Variants in LMAN1 observed in about 807,000 individuals in gnomAD.
LMAN1 encodes the protein protein ERGIC-53.
LMAN1 carries 32 observed loss-of-function variants against 67.8 expected under a neutral mutation model. That is an observed-to-expected ratio of 0.47 (90% CI 0.36 to 0.63). The LOEUF (loss-of-function observed/expected upper bound fraction) is 0.63, where lower values mean the gene tolerates loss of function less well. LMAN1 is among the 30% of genes least tolerant of loss of function. The pLI, the probability that LMAN1 is intolerant of heterozygous loss-of-function variation, is 0.00. For synonymous variants in LMAN1, 235 were observed against 219.3 expected (o/e 1.07, Z -0.63); for missense variants, 632 against 628.2 (o/e 1.01, Z -0.06).
Position 59,354,526 on chromosome 18 carries a change from G to A in LMAN1, c.532C>T (p.His178Tyr). The A allele has an allele frequency of 1.3e-6, 2 of 1,501,134 alleles. No homozygotes were observed. The highest frequency in any genetic ancestry group is 1.9e-6 in the Non-Finnish European group (2 of 1,077,894). The allele number at this position is 1,501,134 out of a possible 1,614,324, so 93.0% of individuals were successfully genotyped here. ...IGNNGQIHYDHQNDGASQALA... is the reference protein window; with the variant it reads ...IGNNGQIHYDYQNDGASQALA... Reference sequence around the variant, plus strand: ...TAAAAAACACACACTTACTTTTGATGGTCATAATGGATTTGTCCATTGTTG... The same window carrying A: ...TAAAAAACACACACTTACTTTTGATAGTCATAATGGATTTGTCCATTGTTG... The change falls in exon 4 of 13, where the codon CAT becomes TAT. Residue 178 changes from histidine to tyrosine, a missense_variant. By Grantham distance (83) the His-to-Tyr change is moderately conservative. Coordinates refer to ENST00000251047, the MANE Select transcript of LMAN1 (RefSeq NM_005570.4).
At position 59,338,890 on chromosome 18, in the gene LMAN1, C is replaced by T. The variant is rs374990586; in HGVS notation, c.1019G>A (p.Arg340His). 91 of 1,613,570 alleles carry T rather than the reference C, an allele frequency of 5.6e-5. No homozygotes were observed. Among genetic ancestry groups the T allele is most frequent in the Middle Eastern group, 3.3e-4 (2 of 6,062 alleles). The change falls in exon 9 of 13, where the codon CGT (arginine) becomes CAT (histidine). Residue 340 changes from arginine (R) to histidine (H), a missense_variant. Coordinates refer to ENST00000251047, the MANE Select transcript of LMAN1 (RefSeq NM_005570.4). Reference sequence around the variant, plus strand: ...CAGCTGCTTGATTTCAAGATGAATACGATTCTGTCCTTCAAAGACTTGTCT... The same window carrying T: ...CAGCTGCTTGATTTCAAGATGAATATGATTCTGTCCTTCAAAGACTTGTCT... The part of the protein sequence containing the change: ...ELRQVFEGQN[R>H]IHLEIKQLNR...
chr18:59,335,176 G>A (rs1247764471), intron 10 of LMAN1, among the ~76,000 whole-genome samples: 1 of 152,188 alleles, frequency 6.6e-6, no homozygotes, highest in Non-Finnish European at 1.5e-5. Context: ...GCTAACACCT[G>A]TAATCCCAGC....
chr18:59,351,501 C>T (rs903719328), intron 5 of LMAN1: 3 of 152,122 alleles, frequency 2.0e-5, no homozygotes, highest in African/African-American at 7.2e-5. Context: ...AAAACACTAG[C>T]TCCATGATCA....
intron 8 of LMAN1, among the ~76,000 whole-genome samples, chr18:59,343,812 A>G (rs1908340026): frequency 6.6e-6 from 1 of 152,146 alleles, no homozygotes. Context: ...GACTTAAACT[A>G]AAAAGCTTCT....
intron 5 of LMAN1, chr18:59,352,972 C>T (rs1908578074): frequency 2.1e-6 from 1 of 481,640 alleles, no homozygotes; most frequent in African/African-American, 2.0e-5. Context: ...ATGTGCTATA[C>T]AGTAGGGGGC....
In LMAN1 at chr18:59,359,179, C is replaced by G; in HGVS notation, c.66G>C (p.Leu22=). Residue 22 remains leucine, a synonymous_variant, in exon 1 of 13, where the codon CTG becomes CTC. Coordinates refer to ENST00000251047, the MANE Select transcript of LMAN1 (RefSeq NM_005570.4). ...RVRPLFCALL[L]SLGRFVRGDG... is the part of the protein sequence containing the mutation. ...CGCCCCGGACGAAGCGACCGAGTGA[C>G]AGCAGCAAGGCGCAGAACAGCGGCC... The G allele has an allele frequency of 1.2e-6, 2 of 1,614,096 alleles. No individual in the cohort carries two copies. Among genetic ancestry groups the G allele is most frequent in the Non-Finnish European group, 8.5e-7 (1 of 1,179,978 alleles).
At chr18:59,354,665 A>G (rs1728712701) in intron 3 of LMAN1, 85 bp from the exon 4 acceptor site, 2 of 692,794 alleles carry the variant, frequency 2.9e-6, no homozygotes, top group Non-Finnish European at 5.0e-6. Flanking sequence ...TGACTTACAT[A>G]TCTAAGATTC....
chr18:59,333,251 C>G lies in LMAN1; in HGVS notation c.1221-7G>C. On this transcript the variant is annotated splice_polypyrimidine_tract_variant and splice_region_variant and intron_variant, in intron 10 of 12. Transcript: ENST00000251047. ...GGTTTCACTCATGGAATTTCTGAAACAGAAAGTCTCTTGATACAATAAAAT... is the reference window on the plus strand; with the variant it reads ...GGTTTCACTCATGGAATTTCTGAAAGAGAAAGTCTCTTGATACAATAAAAT... The G allele has an allele frequency of 6.2e-7, 1 of 1,611,176 alleles. No homozygotes were observed. Among genetic ancestry groups the G allele is most frequent in the Non-Finnish European group, 8.5e-7 (1 of 1,178,422 alleles).
intron 11 of LMAN1, among the ~76,000 whole-genome samples, chr18:59,332,750 T>G (rs973167275): frequency 6.6e-6 from 1 of 152,072 alleles, no homozygotes; most frequent in Non-Finnish European, 1.5e-5. Flanking sequence ...AGCAAGAAAT[T>G]ACCAGATTAG....
Position 59,338,507 on chromosome 18 carries a change from T to A in LMAN1, c.1220+50A>T, listed in dbSNP as rs35746038. The A allele has an allele frequency of 0.07, 103,884 of 1,476,886 alleles. 4,056 individuals carry two copies. The highest frequency in any genetic ancestry group is 0.12 in the Middle Eastern group (665 of 5,458). The allele number at this position is 1,476,886 out of a possible 1,614,324, so 91.5% of individuals were successfully genotyped here. On this transcript the variant is annotated intron_variant, in intron 10 of 12. Transcript: ENST00000251047. Reference sequence around the variant, plus strand: ...GCTTGCACACCTGAAGTCACAAATTTAGGATAAAAAAAATCACATAACACA... The same window carrying A: ...GCTTGCACACCTGAAGTCACAAATTAAGGATAAAAAAAATCACATAACACA...
intron 10 of LMAN1, among the ~76,000 whole-genome samples, chr18:59,337,606 T>C (rs1908188242): frequency 6.6e-6 from 1 of 152,204 alleles, no homozygotes; most frequent in South Asian, 2.1e-4. Context: ...TTAAAAAGGT[T>C]GCGTTACATG....
chr18:59,346,873 G>A (rs551021783), intron 7 of LMAN1, among the ~76,000 whole-genome samples: 2 of 151,976 alleles, frequency 1.3e-5, no homozygotes, highest in Non-Finnish European at 2.9e-5. Context: ...TGCTATACGT[G>A]CACTGTCTCA....
chr18:59,338,650 G>A, intron 9 of LMAN1, 23 bp from the exon 10 acceptor site: 1 of 1,610,598 alleles, frequency 6.2e-7, no homozygotes, highest in Non-Finnish European at 8.5e-7. Flanking sequence ...ACAATGACGA[G>A]CAAGCTGAAT....
At chr18:59,356,187 G>A (rs1908657551) in intron 1 of LMAN1, among the ~76,000 whole-genome samples, 1 of 152,136 alleles carries the variant, frequency 6.6e-6, no homozygotes, top group Non-Finnish European at 1.5e-5. Context: ...CACCCTAAAA[G>A]TTATATGCAA....
chr18:59,337,395 T>C (rs1208886874), intron 10 of LMAN1, among the ~76,000 whole-genome samples: 2 of 152,034 alleles, frequency 1.3e-5, no homozygotes, highest in Non-Finnish European at 2.9e-5. Context: ...TGGAATAGAA[T>C]AGGCCTTGGT....
In LMAN1 at chr18:59,346,250, G is replaced by A. The variant is rs41483048; in HGVS notation, c.823-199C>T. ...TTTTTTTTTTTTAGAGACAAGAGTC[G>A]CGCTCTGTCACCCAGGCTGGAGTGC... On this transcript the variant is annotated intron_variant, in intron 7 of 12. Transcript: ENST00000251047. 0.093 allele frequency among the ~76,000 whole-genome samples: 10,916 copies of A among 117,038 alleles called. 528 individuals carry two copies. The highest frequency in any genetic ancestry group is 0.19 in the Middle Eastern group (35 of 186). 76.8% of individuals were successfully genotyped at this position (117,038 alleles called of 152,430 possible). A position where few individuals can be genotyped will look rare whatever the true frequency, so the allele number is the denominator to read the frequency against.
intron 3 of LMAN1, among the ~76,000 whole-genome samples, chr18:59,354,821 A>T (rs905775681): frequency 5.3e-5 from 8 of 152,230 alleles, no homozygotes; most frequent in African/African-American, 1.9e-4. Flanking sequence ...TTAAGCCACA[A>T]GCTAATGTTT....
intron 11 of LMAN1, among the ~76,000 whole-genome samples, chr18:59,331,910 C>T (rs1440360676): frequency 1.3e-5 from 2 of 152,184 alleles, no homozygotes; most frequent in Non-Finnish European, 1.5e-5. Context: ...CCTTCATTCT[C>T]AAAAGTGTCC....
intron 1 of LMAN1, 26 bp from the exon 2 acceptor site, chr18:59,355,684 G>T (rs1306357383): frequency 1.9e-6 from 3 of 1,609,784 alleles, no homozygotes; most frequent in African/African-American, 1.3e-5. Flanking sequence ...GGGGAAAAAA[G>T]CTTTAAGTTA....
Sources: allele counts gnomAD v4.1 joint callset (sites outside exome capture counted in the v4.1 genomes callset), GRCh38; gene constraint gnomAD v4.1.1; transcripts MANE v1.5; gene names NCBI Gene and HGNC (gene_info 2026-07-23, HGNC 2026-07-21).